The following SMC1B variants were observed in gnomAD, a reference collection of about 807,000 sequenced individuals.
SMC1B encodes structural maintenance of chromosomes protein 1B.
A neutral mutation model predicts 157.9 loss-of-function variants in SMC1B; 60 were observed. The ratio of observed to expected loss-of-function variants is 0.38; its 90% CI spans 0.31 to 0.47. SMC1B has a LOEUF of 0.47. Ranked by LOEUF, SMC1B falls within the 20% of genes least tolerant of loss-of-function variation. SMC1B has a pLI of 0.99. For synonymous variants in SMC1B, 445 were observed against 483.0 expected, an observed-to-expected ratio of 0.92 and a Z score of 1.03; for missense variants, 1,165 against 1,426.2, an observed-to-expected ratio of 0.82 and a Z score of 2.95.
At chr22:45,367,732 T>C (rs748461530) in intron 15 of SMC1B, among the ~76,000 whole-genome samples, 3 of 152,132 alleles carry the variant, frequency 2.0e-5, no homozygotes, top group African/African-American at 4.8e-5. Flanking sequence ...CTTTCCAGGG[T>C]AGTAACCACG....
intron 16 of SMC1B, 47 bp from the exon 17 acceptor site, chr22:45,362,031 A>G: frequency 1.3e-6 from 2 of 1,570,832 alleles, no homozygotes; most frequent in Non-Finnish European, 1.7e-6. Context: ...TTTTATATTA[A>G]TAAGGTACTT....
rs570759622 is a variant in SMC1B, at chr22:45,397,963, A to C, written c.1113+1132T>G. On this transcript the variant is annotated intron_variant, in intron 6 of 24. Coordinates refer to ENST00000357450, the MANE Select transcript of SMC1B (RefSeq NM_148674.5). ...GAGGACCCACTGAACGTGGGTACAC[A>C]GAAGGCTGAAACACTGTGGCCCTCT... Among the ~76,000 whole-genome samples, 3 of 152,336 alleles carry C rather than the reference A, an allele frequency of 2.0e-5. No homozygotes were observed. In the East Asian group the frequency reaches 5.8e-4, roughly 29 times the overall value.
chr22:45,368,285 G>A (rs7291368), intron 15 of SMC1B, among the ~76,000 whole-genome samples: 1 of 151,666 alleles, frequency 6.6e-6, no homozygotes, highest in Non-Finnish European at 1.5e-5. Flanking sequence ...TTAAACAATA[G>A]ATTTCCTGAT....
chr22:45,406,835 T>C lies in SMC1B; in HGVS notation c.329A>G (p.Asn110Ser). 1 of 1,575,126 alleles carries C rather than the reference T, an allele frequency of 6.3e-7. No homozygotes were observed. The highest frequency in any genetic ancestry group is 1.2e-5 in the South Asian group (1 of 82,490). Residue 110 changes from asparagine to serine, a missense_variant, in exon 3 of 25, where the codon AAT (asparagine) becomes AGT (serine). Coordinates refer to ENST00000357450, the MANE Select transcript of SMC1B (RefSeq NM_148674.5). ...AATGTAAACAGAACGACTCACAAGA[T>C]TATCATTAAAGCGAAATTCTGAGCA... ...GGCSEFRFND[N>S]LVSRSVYIAE...
intron 4 of SMC1B, among the ~76,000 whole-genome samples, chr22:45,404,290 T>G (rs1324696795): frequency 6.6e-6 from 1 of 152,234 alleles, no homozygotes; most frequent in East Asian, 1.9e-4. Context: ...TCCAACCTGA[T>G]GCTGGCATAG....
chr22:45,380,630 GT>G (rs1258290446), intron 12 of SMC1B, among the ~76,000 whole-genome samples: 1 of 152,038 alleles, frequency 6.6e-6, no homozygotes, highest in Non-Finnish European at 1.5e-5. Context: ...TAAGAAATAT[GT>G]TTTTGGCCAG....
chr22:45,408,858 T>G lies in SMC1B; in HGVS notation c.150A>C (p.Gly50=). 6.4e-7 allele frequency: 1 copy of G among 1,557,700 alleles called. No homozygotes were observed. The highest frequency in any genetic ancestry group is 1.2e-5 in the South Asian group (1 of 82,082). Residue 50 remains glycine, a synonymous_variant, in exon 2 of 25, where the codon GGA becomes GGC. Transcript: ENST00000357450. ...NVMDALSFVM[G]EKIANLRVKN... ...TCACTCTTAAATTAGCTATTTTCTC[T>G]CCCATTACAAAACTAAGTGCATCCA...
intron 12 of SMC1B, among the ~76,000 whole-genome samples, chr22:45,373,820 AAAT>A (rs1203599945): frequency 2.6e-5 from 4 of 152,234 alleles, no homozygotes; most frequent in Admixed American, 2.6e-4. Flanking sequence ...TAAATGATTA[AAAT>A]AATTAGGCAA....
At chr22:45,359,198 C>T (rs1183967081) in intron 18 of SMC1B, among the ~76,000 whole-genome samples, 2 of 152,162 alleles carry the variant, frequency 1.3e-5, no homozygotes, top group Non-Finnish European at 2.9e-5. Flanking sequence ...ATTTCAGCAT[C>T]CTCGGATTTT....
At chr22:45,345,889 A>C (rs1012338817) in intron 23 of SMC1B, among the ~76,000 whole-genome samples, 1 of 152,156 alleles carries the variant, frequency 6.6e-6, no homozygotes, top group African/African-American at 2.4e-5. Flanking sequence ...TTTGAGGGTG[A>C]AAAAGGGCTG....
chr22:45,346,883 G>C (rs867641711), intron 23 of SMC1B, among the ~76,000 whole-genome samples: 13 of 152,302 alleles, frequency 8.5e-5, no homozygotes, highest in Middle Eastern at 3.4e-3. Context: ...CGGAGTATCA[G>C]AAAAATACAT....
chr22:45,393,750 A>G lies in SMC1B; in HGVS notation c.1429T>C (p.Leu477=), dbSNP rs770199680. The G allele has an allele frequency of 3.7e-6, 6 of 1,613,748 alleles. No homozygotes were observed. Among genetic ancestry groups the G allele is most frequent in the East Asian group, 4.5e-5 (2 of 44,860 alleles). Residue 477 remains leucine (L), a synonymous_variant, in exon 9 of 25, where the codon TTG becomes CTG. Transcript: ENST00000357450. The stretch of plus-strand genomic sequence containing the variant: ...TGCAATTCACTTCTAATAAGATTCA[A>G]TTCTTCATTAACTTCAGACATTCTT... ...KSRMSEVNEE[L]NLIRSELQNA...
chr22:45,383,014 TC>T (rs2086951737), intron 12 of SMC1B, among the ~76,000 whole-genome samples: 1 of 151,840 alleles, frequency 6.6e-6, no homozygotes, highest in Admixed American at 6.6e-5. Flanking sequence ...ATGCCTGTAA[TC>T]CCAGCTACTC....
rs779707340 is a variant in SMC1B, at chr22:45,394,811, A to G, written c.1255-44T>C. On this transcript the variant is annotated intron_variant, in intron 7 of 24. Transcript: ENST00000357450. ...TCTAAAATCAATTACGGCAATTCCA[A>G]ACCAACAAAATTACATGCCTAGAAC... 7.5e-6 allele frequency: 11 copies of G among 1,457,606 alleles called. No individual in the cohort carries two copies. In the East Asian group the frequency reaches 1.3e-4, roughly 17 times the overall value. 90.3% of individuals were successfully genotyped at this position (1,457,606 alleles called of 1,614,324 possible). A position where few individuals can be genotyped will look rare whatever the true frequency, so the allele number is the denominator to read the frequency against.
In SMC1B at chr22:45,344,583, G is replaced by A. The variant is rs1370077360; in HGVS notation, c.3681C>T (p.Ser1227=). ...AGCGGGACTCTCCGTGTCTCTTGCTGCTTTCTTGGCCTTCAGTGTCTGGAT... is the reference window on the plus strand; with the variant it reads ...AGCGGGACTCTCCGTGTCTCTTGCTACTTTCTTGGCCTTCAGTGTCTGGAT... ...SQYPDTEGQE[S]SKRHGESR The change falls in exon 25 of 25, where the codon AGC becomes AGT. Residue 1227 remains serine, a synonymous_variant. Transcript: ENST00000357450. 1.2e-6 allele frequency: 2 copies of A among 1,614,010 alleles called. No homozygotes were observed. The highest frequency in any genetic ancestry group is 1.7e-6 in the Non-Finnish European group (2 of 1,179,872).
At position 45,345,555 on chromosome 22, in the gene SMC1B, GATGTAACTTGAC is replaced by G; in HGVS notation, c.3498_3509del (p.Ser1167_Ile1170del). The G allele has an allele frequency of 1.2e-6, 2 of 1,606,550 alleles. No individual in the cohort carries two copies. Among genetic ancestry groups the G allele is most frequent in the Non-Finnish European group, 1.7e-6 (2 of 1,173,172 alleles). On this transcript the variant is annotated inframe_deletion and splice_region_variant, in exon 24 of 25. Coordinates refer to ENST00000357450, the MANE Select transcript of SMC1B (RefSeq NM_148674.5). ...GAAACTGGTCTTGAGTTTGCTCTTT[GATGTAACTTGAC>G]ACCTGGAAGAAATAAAAACACACAT...
chr22:45,350,055 T>C (rs1334533395), intron 22 of SMC1B, among the ~76,000 whole-genome samples: 3 of 152,126 alleles, frequency 2.0e-5, no homozygotes, highest in African/African-American at 7.2e-5. Context: ...ACAGTCTACT[T>C]CCCCTCAGCC....
At position 45,398,310 on chromosome 22, in the gene SMC1B, C is replaced by T. The variant is rs557134224; in HGVS notation, c.1113+785G>A. ...CACCACATGAAGCCTGCTTCTGTGC[C>T]GGTACTTGGAACAGCTGGCTGGAAA... On this transcript the variant is annotated intron_variant, in intron 6 of 24. Coordinates refer to ENST00000357450, the MANE Select transcript of SMC1B (RefSeq NM_148674.5). Among the ~76,000 whole-genome samples the T allele has an allele frequency of 1.5e-4, 23 of 152,298 alleles. No homozygotes were observed. In the South Asian group the frequency reaches 2.7e-3, roughly 18 times the overall value.
chr22:45,392,854 C>T (rs188801880), intron 9 of SMC1B, among the ~76,000 whole-genome samples: 1 of 152,240 alleles, frequency 6.6e-6, no homozygotes, highest in Non-Finnish European at 1.5e-5. Context: ...GCGCCTGCCA[C>T]AATGTGCGGC....
Sources: gnomAD v4.1 joint callset for allele counts (sites outside exome capture counted in the v4.1 genomes callset) on GRCh38, gnomAD v4.1.1 for gene constraint, MANE v1.5 for transcripts, NCBI Gene and HGNC (gene_info 2026-07-23, HGNC 2026-07-21) for gene names.